UNC13C: variants seen among roughly 807,000 people sequenced by gnomAD.
The protein encoded by UNC13C is unc-13 homolog C.
UNC13C carries 174 observed loss-of-function variants against 245.4 expected under a neutral mutation model. The ratio of observed to expected loss-of-function variants is 0.71; its 90% CI spans 0.63 to 0.80. UNC13C has a LOEUF of 0.80. UNC13C is among the 30% of genes least tolerant of loss of function. UNC13C has a pLI of 0.00. For synonymous variants in UNC13C, 992 were observed against 895.1 expected (o/e 1.11, Z -1.93); for missense variants, 2,829 against 2,602.9 (o/e 1.09, Z -1.89).
chr15:54,513,566 T>C (rs921089228), intron 24 of UNC13C, among the ~76,000 whole-genome samples: 4 of 152,094 alleles, frequency 2.6e-5, no homozygotes, highest in African/African-American at 9.7e-5. Context: ...AATATACAGG[T>C]TTCACGCTAT....
At chr15:54,273,889 A>G (rs1242674361) in intron 10 of UNC13C, among the ~76,000 whole-genome samples, 1 of 152,230 alleles carries the variant, frequency 6.6e-6, no homozygotes, top group Non-Finnish European at 1.5e-5. Context: ...GGGAGTCTGC[A>G]GATCCCTGTT....
chr15:54,508,994 G>A (rs1035503830), intron 23 of UNC13C, among the ~76,000 whole-genome samples: 4 of 152,172 alleles, frequency 2.6e-5, no homozygotes, highest in African/African-American at 7.2e-5. Context: ...GAGGTCAGGA[G>A]TTCAAGACCA....
chr15:54,008,591 G>A (rs1895245545), intron 1 of UNC13C, among the ~76,000 whole-genome samples: 2 of 152,192 alleles, frequency 1.3e-5, no homozygotes, highest in Admixed American at 6.5e-5. Context: ...TAGAGAGTAA[G>A]TTGGAGCTTT....
intron 17 of UNC13C, among the ~76,000 whole-genome samples, chr15:54,369,686 G>T (rs929844952): frequency 3.3e-5 from 5 of 152,032 alleles, no homozygotes; most frequent in Admixed American, 2.0e-4. Flanking sequence ...GGTCATCACA[G>T]TGTCACTGAC....
At chr15:54,068,366 C>G (rs991182619) in intron 2 of UNC13C, among the ~76,000 whole-genome samples, 13 of 152,170 alleles carry the variant, frequency 8.5e-5, no homozygotes, top group Admixed American at 7.2e-4. Context: ...CTTCTCCTGA[C>G]TCCCAGGCCA....
the UNC13C span, among the ~76,000 whole-genome samples, chr15:53,885,336 A>G: frequency 6.6e-6 from 1 of 152,194 alleles, no homozygotes; most frequent in Non-Finnish European, 1.5e-5. Context: ...AAAGCAAGCC[A>G]TTAAATCTAG....
intron 17 of UNC13C, among the ~76,000 whole-genome samples, chr15:54,357,826 A>G (rs938974155): frequency 3.9e-5 from 6 of 151,930 alleles, no homozygotes; most frequent in African/African-American, 1.4e-4. Flanking sequence ...TTTTTCACAT[A>G]TATATGAGAA....
intron 4 of UNC13C, among the ~76,000 whole-genome samples, chr15:54,186,842 T>TATATATATATATATATATATAC (rs1201006554): frequency 8.6e-6 from 1 of 116,628 alleles, no homozygotes; most frequent in African/African-American, 4.5e-5. Flanking sequence ...ACATAATATA[T>TATATATATATATATATATATAC]ATGTATATAT....
chr15:54,313,831 A>T (rs1344397285), intron 13 of UNC13C, among the ~76,000 whole-genome samples: 1 of 151,828 alleles, frequency 6.6e-6, no homozygotes, highest in Non-Finnish European at 1.5e-5. Flanking sequence ...CTGTAGTCCC[A>T]TGTTCATTGC....
intron 4 of UNC13C, among the ~76,000 whole-genome samples, chr15:54,230,347 T>C (rs80129636): frequency 0.049 from 7,505 of 152,190 alleles, 371 homozygotes; most frequent in East Asian, 0.26. Context: ...ATTAGTTGTA[T>C]TGTGTATTTT....
intron 2 of UNC13C, among the ~76,000 whole-genome samples, chr15:54,065,287 T>C (rs995726221): frequency 6.6e-6 from 1 of 152,168 alleles, no homozygotes; most frequent in Non-Finnish European, 1.5e-5. Flanking sequence ...TTCCTTTGAG[T>C]TGCCAACAGC....
At chr15:54,500,276 TC>T in intron 21 of UNC13C, 101 bp downstream of exon 21, 2 of 909,704 alleles carry the variant, frequency 2.2e-6, no homozygotes, top group Non-Finnish European at 3.3e-6. Flanking sequence ...ATTAATTGTT[TC>T]CATTCCCCAG....
chr15:54,065,853 G>A (rs1267982913), intron 2 of UNC13C, among the ~76,000 whole-genome samples: 1 of 152,174 alleles, frequency 6.6e-6, no homozygotes, highest in Non-Finnish European at 1.5e-5. Context: ...CCTCGTTGCT[G>A]AATGACTTAC....
In UNC13C at chr15:54,538,153, A is replaced by C. The variant is rs1343552146; in HGVS notation, c.5696+5087A>C. On this transcript the variant is annotated intron_variant, in intron 26 of 32. Coordinates refer to ENST00000260323, the MANE Select transcript of UNC13C (RefSeq NM_001080534.3). The stretch of plus-strand genomic sequence containing the variant: ...ACAAGCAAAAAAAAAAAAAAAAAAA[A>C]AAAAAAAAAAACCCATTAAAAATGA... 6.2e-3 allele frequency among the ~76,000 whole-genome samples: 897 copies of C among 145,414 alleles called. 12 individuals are homozygous for C. Among genetic ancestry groups the C allele is most frequent in the African/African-American group, 0.022 (860 of 39,038 alleles).
intron 1 of UNC13C, among the ~76,000 whole-genome samples, chr15:53,981,306 C>G (rs1232021887): frequency 6.6e-6 from 1 of 152,080 alleles, no homozygotes; most frequent in African/African-American, 2.4e-5. Flanking sequence ...AAGGCATTCT[C>G]TAGAATTTTT....
At chr15:53,919,403 G>A in the UNC13C span, among the ~76,000 whole-genome samples, 9 of 152,120 alleles carry the variant, frequency 5.9e-5, no homozygotes, top group African/African-American at 9.7e-5. Context: ...GTGAATCAGC[G>A]CTCTTAGGGT....
At chr15:54,445,712 A>G (rs1403706712) in intron 19 of UNC13C, among the ~76,000 whole-genome samples, 1 of 151,830 alleles carries the variant, frequency 6.6e-6, no homozygotes, top group Non-Finnish European at 1.5e-5. Flanking sequence ...AGATGAGTAG[A>G]TTGCAAAAAT....
At chr15:53,863,829 T>A in the UNC13C span, among the ~76,000 whole-genome samples, 2 of 152,190 alleles carry the variant, frequency 1.3e-5, no homozygotes, top group African/African-American at 2.4e-5. Context: ...CATCGACTTC[T>A]CTTTGTCTAA....
At chr15:54,157,176 G>T (rs972168199) in intron 4 of UNC13C, among the ~76,000 whole-genome samples, 1 of 152,170 alleles carries the variant, frequency 6.6e-6, no homozygotes, top group African/African-American at 2.4e-5. Context: ...TTAGCCAATG[G>T]GACTTGAGAA....
Sources: allele counts gnomAD v4.1 joint callset (sites outside exome capture counted in the v4.1 genomes callset), GRCh38; gene constraint gnomAD v4.1.1; transcripts MANE v1.5; gene names NCBI Gene and HGNC (gene_info 2026-07-23, HGNC 2026-07-21).